Variants in CTNND2 observed in about 807,000 individuals in gnomAD.
CTNND2 encodes the protein catenin delta-2.
Under a neutral mutation model 144.4 loss-of-function variants are expected in CTNND2, and 22 were observed. That is an observed-to-expected ratio of 0.15 (90% confidence interval 0.11 to 0.22). The LOEUF (loss-of-function observed/expected upper bound fraction) is 0.22. Among genes scored for constraint, CTNND2 ranks in the 10% least tolerant of loss-of-function variants. The probability of loss-of-function intolerance (pLI) is 1.00; values close to 1 mark genes in which losing one functional copy is unlikely to be tolerated. For synonymous variants in CTNND2, 751 were observed against 695.6 expected (o/e 1.08, Z -1.25); for missense variants, 1,353 against 1,618.8 (o/e 0.84, Z 2.82).
At chr5:11,696,383 C>T (rs949552116) in intron 2 of CTNND2, among the ~76,000 whole-genome samples, 4 of 152,202 alleles carry the variant, frequency 2.6e-5, no homozygotes, top group Admixed American at 2.0e-4. Flanking sequence ...TTGGAATCAG[C>T]CTTGGGCTAT....
At chr5:11,205,568 A>C (rs903047847) in intron 10 of CTNND2, among the ~76,000 whole-genome samples, 1 of 152,138 alleles carries the variant, frequency 6.6e-6, no homozygotes, top group African/African-American at 2.4e-5. Flanking sequence ...TAGAAATTGC[A>C]AGGTTATCAG....
At chr5:11,142,939 T>A (rs1271029926) in intron 12 of CTNND2, among the ~76,000 whole-genome samples, 1 of 152,122 alleles carries the variant, frequency 6.6e-6, no homozygotes, top group South Asian at 2.1e-4. Flanking sequence ...ACACTTAACA[T>A]CATACCCTCA....
chr5:11,604,223 T>C (rs761720364), intron 2 of CTNND2, among the ~76,000 whole-genome samples: 2 of 152,212 alleles, frequency 1.3e-5, no homozygotes, highest in Non-Finnish European at 2.9e-5. Context: ...AAAAACAGTG[T>C]TTCATTTATG....
chr5:11,313,180 C>CT (rs1751160129), intron 9 of CTNND2, among the ~76,000 whole-genome samples: 1 of 152,178 alleles, frequency 6.6e-6, no homozygotes, highest in South Asian at 2.1e-4. Flanking sequence ...GATAGGTCTG[C>CT]TTTTCAACTC....
At chr5:11,385,849 C>T (rs1233897400) in intron 6 of CTNND2, 1 of 119,056 alleles carries the variant, frequency 8.4e-6, no homozygotes, top group East Asian at 2.4e-4. Flanking sequence ...AATGAATTCG[C>T]TTCGTCTTTT....
intron 16 of CTNND2, among the ~76,000 whole-genome samples, chr5:11,028,256 A>G (rs563588333): frequency 6.6e-6 from 1 of 151,906 alleles, no homozygotes; most frequent in African/African-American, 2.4e-5. Context: ...AAACATCACA[A>G]CTCCTTTGTC....
chr5:11,671,931 C>A (rs1783893331), intron 2 of CTNND2, among the ~76,000 whole-genome samples: 1 of 152,156 alleles, frequency 6.6e-6, no homozygotes, highest in Non-Finnish European at 1.5e-5. Context: ...TACCTTTGGT[C>A]TCTGAAGTCA....
At chr5:11,886,973 T>C (rs895679276) in intron 1 of CTNND2, among the ~76,000 whole-genome samples, 3 of 143,302 alleles carry the variant, frequency 2.1e-5, no homozygotes, top group African/African-American at 2.5e-5. Flanking sequence ...TCTATCCTAC[T>C]GCTTTTTTTT....
At chr5:11,820,612 G>A (rs1170448549) in intron 1 of CTNND2, among the ~76,000 whole-genome samples, 2 of 152,126 alleles carry the variant, frequency 1.3e-5, no homozygotes, top group African/African-American at 2.4e-5. Context: ...CTTACCCTAT[G>A]TTAAAGATTT....
At chr5:11,443,545 A>T (rs1326792506) in intron 3 of CTNND2, among the ~76,000 whole-genome samples, 1 of 151,992 alleles carries the variant, frequency 6.6e-6, no homozygotes. Context: ...CTAGTTAAAA[A>T]TTCTTTCAAA....
intron 14 of CTNND2, 94 bp from the exon 15 acceptor site, chr5:11,098,842 G>A (rs2149666431): frequency 1.7e-6 from 2 of 1,171,886 alleles, no homozygotes; most frequent in South Asian, 2.8e-5. Flanking sequence ...AACAAAAGCA[G>A]AGTGCTATCA....
intron 12 of CTNND2, among the ~76,000 whole-genome samples, chr5:11,154,210 A>C (rs1202139247): frequency 6.6e-6 from 1 of 152,248 alleles, no homozygotes; most frequent in Non-Finnish European, 1.5e-5. Context: ...CCATAGTGTC[A>C]GAAAAATCCA....
At chr5:11,150,822 C>T (rs970930212) in intron 12 of CTNND2, among the ~76,000 whole-genome samples, 1 of 152,048 alleles carries the variant, frequency 6.6e-6, no homozygotes, top group African/African-American at 2.4e-5. Flanking sequence ...GATGGGGTTT[C>T]ACCATGTTGG....
At chr5:11,366,838 T>C (rs1757030299) in intron 7 of CTNND2, among the ~76,000 whole-genome samples, 1 of 152,164 alleles carries the variant, frequency 6.6e-6, no homozygotes. Context: ...AACTTTTAAG[T>C]GGTAACATGG....
In CTNND2 at chr5:11,024,291, G is replaced by A. The variant is rs61751662; in HGVS notation, c.2789-1312C>T. On this transcript the variant is annotated intron_variant, in intron 16 of 21. Transcript: ENST00000304623. Reference sequence around the variant, plus strand: ...TGCTGATACTTAAATTACTGAAATAGAAAAGTGTGTTCATTCACTTGATGA... The same window carrying A: ...TGCTGATACTTAAATTACTGAAATAAAAAAGTGTGTTCATTCACTTGATGA... 6.4e-3 allele frequency among the ~76,000 whole-genome samples: 974 copies of A among 152,294 alleles called. 4 individuals carry two copies. Among genetic ancestry groups the A allele is most frequent in the Non-Finnish European group, 8.4e-3 (570 of 68,026 alleles).
intron 16 of CTNND2, among the ~76,000 whole-genome samples, chr5:11,039,585 A>C (rs529980399): frequency 6.6e-6 from 1 of 152,280 alleles, no homozygotes; most frequent in Admixed American, 6.5e-5. Flanking sequence ...CTTCTTTTAT[A>C]ATCTGCCTGT....
At chr5:10,990,813 G>A (rs780515924) in intron 19 of CTNND2, among the ~76,000 whole-genome samples, 2 of 152,180 alleles carry the variant, frequency 1.3e-5, no homozygotes, top group African/African-American at 4.8e-5. Flanking sequence ...CTGAGGCAGC[G>A]CACTGTCTGC....
intron 11 of CTNND2, among the ~76,000 whole-genome samples, chr5:11,165,003 A>C (rs959795220): frequency 1.3e-5 from 2 of 152,224 alleles, no homozygotes; most frequent in East Asian, 3.8e-4. Context: ...AGAAAAATAA[A>C]AAATAACAGC....
At chr5:11,560,872 T>C (rs1431143378) in intron 3 of CTNND2, among the ~76,000 whole-genome samples, 1 of 152,202 alleles carries the variant, frequency 6.6e-6, no homozygotes, top group Non-Finnish European at 1.5e-5. Context: ...CAGACATGGT[T>C]CTGGTTTATG....
Sources: allele counts gnomAD v4.1 joint callset (sites outside exome capture counted in the v4.1 genomes callset), GRCh38; gene constraint gnomAD v4.1.1; transcripts MANE v1.5; gene names NCBI Gene and HGNC (gene_info 2026-07-23, HGNC 2026-07-21).